The following DMD variants were observed in gnomAD, a reference collection of about 807,000 sequenced individuals.
DMD encodes the protein mutant dystrophin.
A neutral mutation model predicts 330.1 loss-of-function variants in DMD; 63 were observed. The ratio of observed to expected loss-of-function variants is 0.19; its 90% CI spans 0.16 to 0.24. DMD has a LOEUF of 0.24. DMD is among the 10% of genes least tolerant of loss of function. The pLI, the probability that DMD is intolerant of heterozygous loss-of-function variation, is 1.00. For missense variants in DMD, 3,344 were observed against 2,684.1 expected (o/e 1.25, Z -5.43); for synonymous variants, 1,223 against 959.8 (o/e 1.27, Z -5.07).
intron 7 of DMD, among the ~76,000 whole-genome samples, chrX:32,723,857 T>C (rs1225115887): frequency 9.2e-6 from 1 of 108,309 alleles, no homozygotes; most frequent in East Asian, 2.9e-4. Context: ...ACACTAACAC[T>C]AACAATAGCT....
chrX:32,923,194 ATT>A (rs931892901), intron 2 of DMD, among the ~76,000 whole-genome samples: 1 of 111,502 alleles, frequency 9.0e-6, no homozygotes, highest in Non-Finnish European at 1.9e-5. Context: ...AACAAAAATA[ATT>A]TTAAGTGATC....
Position 31,497,028 on chromosome X carries a change from A to T in DMD, c.8391-84T>A, listed in dbSNP as rs1333262515. ...AACAATTCCATTGAAAAAGTACAATAAACCTATTGTGAACTACAAAGCAGT... is the reference window on the plus strand; with the variant it reads ...AACAATTCCATTGAAAAAGTACAATTAACCTATTGTGAACTACAAAGCAGT... On this transcript the variant is annotated intron_variant, in intron 56 of 78. Coordinates refer to ENST00000357033, the MANE Select transcript of DMD (RefSeq NM_004006.3). 12 of 1,081,388 alleles carry T rather than the reference A, an allele frequency of 1.1e-5. No homozygotes were observed. In the East Asian group the frequency reaches 3.9e-4, roughly 36 times the overall value. 89.1% of individuals were successfully genotyped at this position (1,081,388 alleles called of 1,213,427 possible). A position where few individuals can be genotyped will look rare whatever the true frequency, so the allele number is the denominator to read the frequency against.
intron 74 of DMD, among the ~76,000 whole-genome samples, chrX:31,153,467 CTTT>C (rs201174679): frequency 1.9e-5 from 2 of 104,749 alleles, no homozygotes; most frequent in Admixed American, 2.1e-4. Flanking sequence ...GCCCCACTTA[CTTT>C]TTTTTTTTTC....
At chrX:32,775,934 C>T (rs1263819601) in intron 7 of DMD, among the ~76,000 whole-genome samples, 1 of 112,200 alleles carries the variant, frequency 8.9e-6, no homozygotes, top group East Asian at 2.8e-4. Flanking sequence ...AGAAAAGTTC[C>T]CATTTCAGAT....
chrX:32,715,512 T>C (rs929005000), intron 7 of DMD, among the ~76,000 whole-genome samples: 26 of 95,801 alleles, frequency 2.7e-4, no homozygotes, highest in African/African-American at 8.9e-4. Flanking sequence ...CTTGACCAGG[T>C]GTGGTGGCTT....
chrX:32,764,322 A>C (rs2072698811), intron 7 of DMD, among the ~76,000 whole-genome samples: 1 of 111,524 alleles, frequency 9.0e-6, no homozygotes, highest in Non-Finnish European at 1.9e-5. Context: ...CATAAAACAT[A>C]TAATTCTAAT....
At chrX:32,523,169 C>A (rs912506200) in intron 17 of DMD, among the ~76,000 whole-genome samples, 1 of 111,166 alleles carries the variant, frequency 9.0e-6, no homozygotes, top group African/African-American at 3.3e-5. Context: ...GAAAACGATA[C>A]CCCAAAGTAT....
At chrX:31,316,966 A>G (rs779801876) in intron 62 of DMD, among the ~76,000 whole-genome samples, 45 of 112,433 alleles carry the variant, frequency 4.0e-4, no homozygotes, top group African/African-American at 1.5e-3. Flanking sequence ...AGTTAAGTGA[A>G]ACATTTAATA....
chrX:31,373,087 A>C (rs1308083694), intron 60 of DMD, among the ~76,000 whole-genome samples: 3 of 108,351 alleles, frequency 2.8e-5, no homozygotes, highest in East Asian at 5.8e-4. Context: ...AAAGAGAATA[A>C]AATACCTAGG....
At chrX:32,451,221 T>C (rs181841966) in intron 26 of DMD, among the ~76,000 whole-genome samples, 48 of 110,818 alleles carry the variant, frequency 4.3e-4, no homozygotes, top group Admixed American at 4.3e-3. Flanking sequence ...AATCAGAAAT[T>C]CTGGGGTCAG....
chrX:31,865,946 T>C (rs1386700084), intron 48 of DMD, among the ~76,000 whole-genome samples: 1 of 111,255 alleles, frequency 9.0e-6, no homozygotes, highest in Non-Finnish European at 1.9e-5. Flanking sequence ...ATTCTGTTTC[T>C]CCTCCTCTGA....
chrX:31,627,974 G>C (rs2078935876), intron 54 of DMD, 112 bp from the exon 55 acceptor site: 2 of 703,553 alleles, frequency 2.8e-6, no homozygotes, highest in South Asian at 2.3e-5. Context: ...ACCAACAATG[G>C]GGTGAGTTGT....
intron 1 of DMD, among the ~76,000 whole-genome samples, chrX:33,286,544 G>C (rs1050321033): frequency 8.9e-6 from 1 of 112,154 alleles, no homozygotes; most frequent in Non-Finnish European, 1.9e-5. Context: ...CTTTATAAGA[G>C]GCCATGATAT....
At chrX:32,014,275 A>T (rs1480706090) in intron 44 of DMD, among the ~76,000 whole-genome samples, 1 of 110,880 alleles carries the variant, frequency 9.0e-6, no homozygotes, top group African/African-American at 3.3e-5. Flanking sequence ...ATGAAGTTTC[A>T]GTTGTTCTTC....
chrX:31,968,351 T>C lies in DMD; in HGVS notation c.6602A>G (p.Asp2201Gly), dbSNP rs755179126. 4.1e-6 allele frequency: 5 copies of C among 1,208,820 alleles called. No individual in the cohort carries two copies. The East Asian group carries it at 1.5e-4, about 36-fold the overall frequency. ...RWQEVCKQLS[D>G]RKKRLEEQKN... ...TCTGTCGCCCTACCTCTTTTTTCTG[T>C]CTGACAGCTGTTTGCAGACCTCCTG... The change falls in exon 45 of 79, where the codon GAC becomes GGC. Residue 2201 changes from aspartate (D) to glycine (G), a missense_variant. Asp to Gly is a moderately conservative substitution (Grantham distance 94). Transcript: ENST00000357033.
At chrX:31,676,468 C>T (rs1409826924) in intron 53 of DMD, among the ~76,000 whole-genome samples, 1 of 111,441 alleles carries the variant, frequency 9.0e-6, no homozygotes, top group Non-Finnish European at 1.9e-5. Context: ...AATTTTTTTT[C>T]GCAGTATACT....
intron 69 of DMD, among the ~76,000 whole-genome samples, chrX:31,179,030 G>C (rs890599859): frequency 3.6e-5 from 4 of 111,719 alleles, no homozygotes; most frequent in African/African-American, 1.3e-4. Flanking sequence ...TCAGTAAAAT[G>C]GGAGCAACAA....
chrX:32,937,599 T>C (rs2090108082), intron 2 of DMD, among the ~76,000 whole-genome samples: 1 of 107,225 alleles, frequency 9.3e-6, no homozygotes, highest in Non-Finnish European at 1.9e-5. Context: ...TAAACAACCT[T>C]AAGGCAGCAG....
intron 1 of DMD, among the ~76,000 whole-genome samples, chrX:33,205,033 G>C (rs2051487217): frequency 8.9e-6 from 1 of 112,154 alleles, no homozygotes; most frequent in Admixed American, 9.5e-5. Context: ...CTGTTCACAT[G>C]GCTCATGCCC....
Sources: gnomAD v4.1 joint callset for allele counts (sites outside exome capture counted in the v4.1 genomes callset) on GRCh38, gnomAD v4.1.1 for gene constraint, MANE v1.5 for transcripts, NCBI Gene and HGNC (gene_info 2026-07-23, HGNC 2026-07-21) for gene names.